The following AKAP19 variants were observed in gnomAD, a reference collection of about 807,000 sequenced individuals.
The protein encoded by AKAP19 is small A-kinase anchoring protein.
chr2:190,006,211 A>C, the AKAP19 span, among the ~76,000 whole-genome samples: 1 of 152,244 alleles, frequency 6.6e-6, no homozygotes, highest in Non-Finnish European at 1.5e-5. Flanking sequence ...TGCAGCTATG[A>C]AATTAGCACT....
the AKAP19 span, among the ~76,000 whole-genome samples, chr2:189,992,389 T>C: frequency 6.6e-6 from 1 of 152,216 alleles, no homozygotes; most frequent in African/African-American, 2.4e-5. Context: ...ATAACGTGTA[T>C]GTAGTATAAA....
the AKAP19 span, among the ~76,000 whole-genome samples, chr2:190,124,175 T>C: frequency 1.3e-5 from 2 of 152,208 alleles, 1 homozygote; most frequent in Admixed American, 1.3e-4. Flanking sequence ...ACCACCATAA[T>C]AGTGTGAGCC....
At chr2:189,967,361 T>C in the AKAP19 span, among the ~76,000 whole-genome samples, 1 of 152,198 alleles carries the variant, frequency 6.6e-6, no homozygotes, top group Non-Finnish European at 1.5e-5. Flanking sequence ...TTCCCTGAAC[T>C]TGTACACCTA....
chr2:190,092,514 C>G, the AKAP19 span, among the ~76,000 whole-genome samples: 114,660 of 151,950 alleles, frequency 0.75, 43,639 homozygotes, highest in South Asian at 0.86. Flanking sequence ...GTTTCTTTCT[C>G]AGAAACTGGG....
the AKAP19 span, among the ~76,000 whole-genome samples, chr2:189,952,208 T>C: frequency 6.6e-6 from 1 of 152,230 alleles, no homozygotes; most frequent in South Asian, 2.1e-4. Context: ...GTAAAAATAT[T>C]AAATAAAACT....
At chr2:189,995,324 A>G in the AKAP19 span, among the ~76,000 whole-genome samples, 1 of 152,174 alleles carries the variant, frequency 6.6e-6, no homozygotes, top group African/African-American at 2.4e-5. Flanking sequence ...ATTTATGATT[A>G]TGATATTTTC....
At chr2:190,073,703 G>A in the AKAP19 span, among the ~76,000 whole-genome samples, 1 of 151,994 alleles carries the variant, frequency 6.6e-6, no homozygotes, top group East Asian at 1.9e-4. Flanking sequence ...TTATATTATA[G>A]GACCAGTGTT....
chr2:190,165,862 A>G, the AKAP19 span, among the ~76,000 whole-genome samples: 1 of 152,230 alleles, frequency 6.6e-6, no homozygotes, highest in East Asian at 1.9e-4. Flanking sequence ...CAAATATAAG[A>G]AAGAATATTA....
At chr2:189,883,229 C>T in the AKAP19 span, among the ~76,000 whole-genome samples, 11 of 152,082 alleles carry the variant, frequency 7.2e-5, no homozygotes, top group African/African-American at 2.2e-4. Context: ...CCAGATGATG[C>T]TAATGCTACT....
At chr2:189,981,593 G>A in the AKAP19 span, among the ~76,000 whole-genome samples, 1 of 152,042 alleles carries the variant, frequency 6.6e-6, no homozygotes, top group Admixed American at 6.6e-5. Flanking sequence ...TTGCTATATG[G>A]GATCTGTGCA....
the AKAP19 span, among the ~76,000 whole-genome samples, chr2:190,150,610 G>C: frequency 6.6e-6 from 1 of 152,142 alleles, no homozygotes; most frequent in Non-Finnish European, 1.5e-5. Flanking sequence ...GGGTGTGTGG[G>C]CCCTCTCAGG....
chr2:190,114,333 T>A, the AKAP19 span, among the ~76,000 whole-genome samples: 1 of 152,246 alleles, frequency 6.6e-6, no homozygotes, highest in African/African-American at 2.4e-5. Flanking sequence ...TTCATTTCTC[T>A]TTTTCCTGGA....
the AKAP19 span, among the ~76,000 whole-genome samples, chr2:189,882,302 T>C: frequency 6.6e-6 from 1 of 152,160 alleles, no homozygotes; most frequent in Non-Finnish European, 1.5e-5. Context: ...AGAACATATC[T>C]CAATCAATTT....
At chr2:190,089,833 T>C in the AKAP19 span, among the ~76,000 whole-genome samples, 1 of 152,178 alleles carries the variant, frequency 6.6e-6, no homozygotes, top group East Asian at 1.9e-4. Flanking sequence ...TTGAGGACTA[T>C]GATTCAATTT....
At chr2:190,083,324 C>T in the AKAP19 span, among the ~76,000 whole-genome samples, 9 of 145,802 alleles carry the variant, frequency 6.2e-5, no homozygotes, top group South Asian at 4.3e-4. Flanking sequence ...TGCAGTGAGC[C>T]GAGATCGTGC....
chr2:190,078,157 G>A, the AKAP19 span, among the ~76,000 whole-genome samples: 3 of 152,106 alleles, frequency 2.0e-5, no homozygotes, highest in Non-Finnish European at 4.4e-5. Flanking sequence ...TTACTGATCT[G>A]TTTCCTTGAC....
the AKAP19 span, among the ~76,000 whole-genome samples, chr2:189,933,433 A>G: frequency 0.043 from 6,517 of 152,272 alleles, 427 homozygotes; most frequent in African/African-American, 0.15. Flanking sequence ...TTTATTTTCA[A>G]TTCTTTTAGA....
the AKAP19 span, among the ~76,000 whole-genome samples, chr2:190,036,572 T>A: frequency 1.4e-4 from 20 of 147,888 alleles, no homozygotes; most frequent in Admixed American, 3.5e-4. Flanking sequence ...AATACTTTGA[T>A]TAAGCTAAGA....
chr2:190,110,022 G>A, the AKAP19 span, among the ~76,000 whole-genome samples: 1 of 152,192 alleles, frequency 6.6e-6, no homozygotes, highest in Non-Finnish European at 1.5e-5. Context: ...GTCTGGGGTA[G>A]GGTGAGAGAG....
Sources: allele counts gnomAD v4.1 joint callset (sites outside exome capture counted in the v4.1 genomes callset), GRCh38; gene constraint gnomAD v4.1.1; transcripts MANE v1.5; gene names NCBI Gene and HGNC (gene_info 2026-07-23, HGNC 2026-07-21).